ADAMTS17: variants seen among roughly 807,000 people sequenced by gnomAD.
The protein encoded by ADAMTS17 is A disintegrin and metalloproteinase with thrombospondin motifs 17.
A neutral mutation model predicts 141.5 loss-of-function variants in ADAMTS17; 113 were observed. The observed-to-expected ratio is 0.80, with a 90% CI of 0.69 to 0.93. ADAMTS17 has a LOEUF of 0.93. ADAMTS17 is among the 40% of genes least tolerant of loss of function. The pLI, the probability that ADAMTS17 is intolerant of heterozygous loss-of-function variation, is 0.00. For missense variants in ADAMTS17, 1,659 were observed against 1,517.9 expected (o/e 1.09, Z -1.54); for synonymous variants, 768 against 630.6 (o/e 1.22, Z -3.27).
intron 8 of ADAMTS17, among the ~76,000 whole-genome samples, chr15:100,159,971 T>C (rs756111307): frequency 5.3e-5 from 8 of 152,176 alleles, no homozygotes; most frequent in Non-Finnish European, 1.0e-4. Flanking sequence ...GGGAAAATCA[T>C]CTGGGAACTT....
intron 2 of ADAMTS17, among the ~76,000 whole-genome samples, chr15:100,331,639 C>A (rs763540575): frequency 6.6e-6 from 1 of 152,094 alleles, no homozygotes; most frequent in Non-Finnish European, 1.5e-5. Flanking sequence ...GAACACTGAT[C>A]GATGCAGTCA....
intron 8 of ADAMTS17, among the ~76,000 whole-genome samples, chr15:100,165,769 A>T (rs74037525): frequency 0.021 from 3,195 of 152,322 alleles, 131 homozygotes; most frequent in East Asian, 0.17. Context: ...CCCAGGTGAT[A>T]TGAGGGAACA....
Position 100,073,169 on chromosome 15 carries a change from C to A in ADAMTS17, c.2138-19115G>T, listed in dbSNP as rs927114729. On this transcript the variant is annotated intron_variant, in intron 15 of 21. Coordinates refer to ENST00000268070, the MANE Select transcript of ADAMTS17 (RefSeq NM_139057.4). ...CAACAGACACGTGAAAAAATGCTCA[C>A]CATCAGTGGCCATCAGAGAAATGCA... 2.4e-3 allele frequency among the ~76,000 whole-genome samples: 360 copies of A among 152,228 alleles called. 2 individuals carry two copies. Among genetic ancestry groups the A allele is most frequent in the African/African-American group, 8.3e-3 (343 of 41,520 alleles).
At chr15:100,040,625 C>G (rs2031162679) in intron 18 of ADAMTS17, among the ~76,000 whole-genome samples, 1 of 151,612 alleles carries the variant, frequency 6.6e-6, no homozygotes. Context: ...GAACCTGGTA[C>G]CAGGGCATTC....
intron 18 of ADAMTS17, among the ~76,000 whole-genome samples, chr15:100,022,957 G>A (rs1407474959): frequency 2.7e-5 from 4 of 149,298 alleles, no homozygotes; most frequent in Non-Finnish European, 5.9e-5. Context: ...CACATGATCT[G>A]TTTTCACCGG....
At chr15:100,089,150 AC>A (rs2035291624) in intron 15 of ADAMTS17, among the ~76,000 whole-genome samples, 1 of 151,980 alleles carries the variant, frequency 6.6e-6, no homozygotes, top group Middle Eastern at 3.4e-3. Context: ...CAAGAAAAAA[AC>A]AACCCCATCA....
chr15:100,297,593 G>C (rs988978202), intron 3 of ADAMTS17, among the ~76,000 whole-genome samples: 6 of 152,172 alleles, frequency 3.9e-5, no homozygotes, highest in Admixed American at 1.3e-4. Flanking sequence ...TGAATGGGGG[G>C]ACCAGTCACT....
intron 8 of ADAMTS17, among the ~76,000 whole-genome samples, chr15:100,173,764 A>G (rs1016840120): frequency 1.3e-5 from 2 of 152,100 alleles, no homozygotes; most frequent in Non-Finnish European, 2.9e-5. Context: ...CTTTTAACAC[A>G]CCAATATCTG....
chr15:100,269,720 G>C (rs538271814), intron 4 of ADAMTS17, among the ~76,000 whole-genome samples: 134 of 152,298 alleles, frequency 8.8e-4, no homozygotes, highest in Non-Finnish European at 1.5e-3. Context: ...TCCAGCCTGA[G>C]AGGTCAAGCC....
intron 8 of ADAMTS17, among the ~76,000 whole-genome samples, chr15:100,179,166 T>C (rs780948854): frequency 1.4e-4 from 21 of 152,164 alleles, no homozygotes; most frequent in Non-Finnish European, 2.2e-4. Flanking sequence ...TACTAGGTCT[T>C]ATTCATTCCT....
chr15:100,026,894 C>T (rs1376683478), intron 18 of ADAMTS17, among the ~76,000 whole-genome samples: 1 of 152,194 alleles, frequency 6.6e-6, no homozygotes, highest in Admixed American at 6.5e-5. Flanking sequence ...AGTGGTTATG[C>T]CAATTTACAC....
At chr15:100,237,271 C>G (rs933951000) in intron 7 of ADAMTS17, among the ~76,000 whole-genome samples, 1 of 152,156 alleles carries the variant, frequency 6.6e-6, no homozygotes, top group Non-Finnish European at 1.5e-5. Context: ...ACCAGGCAAG[C>G]AGGAGGCTCT....
intron 18 of ADAMTS17, among the ~76,000 whole-genome samples, chr15:100,036,291 C>G (rs1221237041): frequency 6.6e-6 from 1 of 152,228 alleles, no homozygotes; most frequent in Non-Finnish European, 1.5e-5. Context: ...AATTCTCTGT[C>G]TTAGGACAGA....
chr15:99,991,493 A>G (rs1261023923), intron 20 of ADAMTS17, among the ~76,000 whole-genome samples: 1 of 152,230 alleles, frequency 6.6e-6, no homozygotes, highest in Non-Finnish European at 1.5e-5. Flanking sequence ...GCCAGTTAGA[A>G]TGGTGATCAT....
chr15:100,253,188 C>A (rs545878755), intron 7 of ADAMTS17, among the ~76,000 whole-genome samples: 4 of 151,364 alleles, frequency 2.6e-5, no homozygotes, highest in African/African-American at 7.3e-5. Context: ...CAAAGGTTCG[C>A]GTTATGGCAG....
intron 18 of ADAMTS17, among the ~76,000 whole-genome samples, chr15:100,021,407 C>T (rs112514309): frequency 8.5e-5 from 13 of 152,286 alleles, no homozygotes; most frequent in Admixed American, 2.0e-4. Flanking sequence ...TCAAATCTGC[C>T]TTCCCCTCCC....
chr15:100,230,066 T>C (rs2042429035), intron 7 of ADAMTS17, among the ~76,000 whole-genome samples: 1 of 152,212 alleles, frequency 6.6e-6, no homozygotes, highest in African/African-American at 2.4e-5. Context: ...AGAAGTTTCC[T>C]GGCCAAGCTG....
rs372642362 is a variant in ADAMTS17, at chr15:100,166,452, G to A, written c.1182-11132C>T. Among the ~76,000 whole-genome samples, 9 of 152,136 alleles carry A rather than the reference G, an allele frequency of 5.9e-5. No homozygotes were observed. The East Asian group carries it at 7.7e-4, about 13-fold the overall frequency. On this transcript the variant is annotated intron_variant, in intron 8 of 21. Transcript: ENST00000268070. ...TATCAGTTACAACATGGGCACCTTT[G>A]CCCTGTTCCCATATCGACTGGAAAT...
intron 3 of ADAMTS17, among the ~76,000 whole-genome samples, chr15:100,315,178 AG>A (rs1171206401): frequency 6.6e-6 from 1 of 152,234 alleles, no homozygotes; most frequent in Admixed American, 6.5e-5. Context: ...GCAGCGTGGC[AG>A]GTGGGCGGGA....
Sources: gnomAD v4.1 joint callset for allele counts (sites outside exome capture counted in the v4.1 genomes callset) on GRCh38, gnomAD v4.1.1 for gene constraint, MANE v1.5 for transcripts, NCBI Gene and HGNC (gene_info 2026-07-23, HGNC 2026-07-21) for gene names.